IRF5: variants seen among roughly 807,000 people sequenced by gnomAD.
The protein encoded by IRF5 is interferon regulatory factor 5.
In IRF5, 24 loss-of-function variants were observed where a neutral mutation model predicts 55.1. That is an observed-to-expected ratio of 0.44 (90% CI 0.32 to 0.61). The LOEUF is 0.61. IRF5 is among the 20% of genes least tolerant of loss of function. IRF5 has a pLI of 0.07. For missense variants in IRF5, 499 were observed against 658.5 expected (o/e 0.76, Z 2.65); for synonymous variants, 258 against 260.2 (o/e 0.99, Z 0.08).
At position 128,946,092 on chromosome 7, in the gene IRF5, A is replaced by G. The variant is rs1796286023; in HGVS notation, c.385+58A>G. 2 of 1,477,996 alleles carry G rather than the reference A, an allele frequency of 1.4e-6. No individual in the cohort carries two copies. The highest frequency in any genetic ancestry group is 1.4e-5 in the African/African-American group (1 of 70,394). The allele number at this position is 1,477,996 out of a possible 1,614,324, so 91.6% of individuals were successfully genotyped here. ...GAGGCTGTGCAATGTCCTGGCCCCC[A>G]GCCATGAGCTCTTGGGTGCAGGCAG... On this transcript the variant is annotated intron_variant, in intron 3 of 8. Coordinates refer to ENST00000357234, the MANE Select transcript of IRF5 (RefSeq NM_001098629.3). The surrounding 1 kb of genome is among the most constrained non-coding windows in gnomAD (Gnocchi z 4.2).
At position 128,947,511 on chromosome 7, in the gene IRF5, C is replaced by A; in HGVS notation, c.763C>A (p.Leu255Met). Residue 255 changes from leucine (L) to methionine (M), a missense_variant, in exon 6 of 9, where the codon CTG becomes ATG. Coordinates refer to ENST00000357234, the MANE Select transcript of IRF5 (RefSeq NM_001098629.3). This position sits in a 1 kb window ranked among gnomAD's most constrained non-coding sequence, Gnocchi z 6.5. ...AGGCGAACAGCTCCTGCCAGACCTG[C>A]TGATCAGCCCCCACATGCTGCCTCG... ...PAGEQLLPDL[L>M]ISPHMLPLTD... The A allele has an allele frequency of 6.3e-7, 1 of 1,579,034 alleles. No individual in the cohort carries two copies. The highest frequency in any genetic ancestry group is 8.6e-7 in the Non-Finnish European group (1 of 1,167,230).
Position 128,942,258 on chromosome 7 carries a change from A to G in IRF5, c.177A>G (p.Gly59=). The part of the protein sequence containing the change: ...HATRHGPSQD[G]DNTIFKAWAK... Reference sequence around the variant, plus strand: ...CAAGGCATGGTCCCAGCCAGGACGGAGATAACACCATCTTCAAGGTAAGCC... The same window carrying G: ...CAAGGCATGGTCCCAGCCAGGACGGGGATAACACCATCTTCAAGGTAAGCC... The change falls in exon 2 of 9, where the codon GGA becomes GGG. Residue 59 remains glycine (G), a synonymous_variant. Coordinates refer to ENST00000357234, the MANE Select transcript of IRF5 (RefSeq NM_001098629.3). The G allele has an allele frequency of 6.2e-7, 1 of 1,612,840 alleles. No individual in the cohort carries two copies. Among genetic ancestry groups the G allele is most frequent in the African/African-American group, 1.3e-5 (1 of 74,990 alleles).
rs1219377166 is a variant in IRF5, at chr7:128,949,774, CTGATA to C, written c.*958_*962del. The C allele has an allele frequency of 6.6e-6, 1 of 152,130 alleles. No individual in the cohort carries two copies. The highest frequency in any genetic ancestry group is 1.5e-5 in the Non-Finnish European group (1 of 68,022). The allele number at this position is 152,130 out of a possible 1,614,324, so 9.4% of individuals were successfully genotyped here. ...ATCAGGGCAGTGCATGTAAATCATC[CTGATA>C]TATTTAATATATTTATTATATTGTC... On this transcript the variant is annotated 3_prime_UTR_variant, in exon 9 of 9. Coordinates refer to ENST00000357234, the MANE Select transcript of IRF5 (RefSeq NM_001098629.3).
Position 128,948,673 on chromosome 7 carries a change from A to G in IRF5, c.1400A>G (p.Lys467Arg). The change falls in exon 9 of 9, where the codon AAA becomes AGA. Residue 467 changes from lysine (K) to arginine (R), a missense_variant. Physicochemically the swap from Lys to Arg is conservative, Grantham distance 26. Transcript: ENST00000357234. The surrounding 1 kb of genome is among the most constrained non-coding windows in gnomAD (Gnocchi z 4.6). The stretch of plus-strand genomic sequence containing the variant: ...CTACAGATCTCAAACCCAGACCTCA[A>G]AGACCGCATGGTGGAGCAATTCAAG... ...IRLQISNPDL[K>R]DRMVEQFKEL... 1 of 1,614,188 alleles carries G rather than the reference A, an allele frequency of 6.2e-7. No individual in the cohort carries two copies. The highest frequency in any genetic ancestry group is 8.5e-7 in the Non-Finnish European group (1 of 1,180,028).
At chr7:128,938,775 T>C (rs1189115270) in intron 1 of IRF5, among the ~76,000 whole-genome samples, 1 of 151,602 alleles carries the variant, frequency 6.6e-6, no homozygotes, top group Non-Finnish European at 1.5e-5. Flanking sequence ...AGGCTAAACG[T>C]GGAGGAAAAG....
intron 1 of IRF5, among the ~76,000 whole-genome samples, chr7:128,938,813 GGA>G (rs1385342079): frequency 6.6e-6 from 1 of 152,104 alleles, no homozygotes; most frequent in Non-Finnish European, 1.5e-5. Context: ...GGATGCGTGG[GGA>G]GATGGTTGTC....
chr7:128,947,883 C>G lies in IRF5; in HGVS notation c.942C>G (p.Arg314=), dbSNP rs571356661. The G allele has an allele frequency of 6.2e-7, 1 of 1,614,120 alleles. No homozygotes were observed. The highest frequency in any genetic ancestry group is 1.3e-5 in the African/African-American group (1 of 75,048). Residue 314 remains arginine, a synonymous_variant, in exon 7 of 9, where the codon CGC becomes CGG. Transcript: ENST00000357234. The surrounding 1 kb of genome is among the most constrained non-coding windows in gnomAD (Gnocchi z 6.5). ...LFGPISLEQV[R]FPSPEDIPSD... is the part of the protein sequence containing the mutation. Reference sequence around the variant, plus strand: ...GCCCCATAAGCCTGGAGCAAGTGCGCTTCCCCAGCCCTGAGGACATCCCCA... The same window carrying G: ...GCCCCATAAGCCTGGAGCAAGTGCGGTTCCCCAGCCCTGAGGACATCCCCA...
chr7:128,943,707 A>ATTTTTTTTTTTTTTTTT (rs61451031), intron 2 of IRF5, among the ~76,000 whole-genome samples: 2 of 71,948 alleles, frequency 2.8e-5, no homozygotes, highest in African/African-American at 6.9e-5. Flanking sequence ...TGCCCGGCTA[A>ATTTTTTTTTTTTTTTTT]TTTTTTTTTT....
chr7:128,939,609 T>TG (rs1795914284), intron 1 of IRF5, among the ~76,000 whole-genome samples: 1 of 152,164 alleles, frequency 6.6e-6, no homozygotes, highest in Admixed American at 6.5e-5. Context: ...CTAGGACTGC[T>TG]GTGGCACTTC....
rs747146617 is a variant in IRF5 at position 128,946,995 on chromosome 7, C to T, written c.448-28C>T. ...TGTCCTCCTTTCTCTCCCATCTCTT[C>T]CCTCCCTTGCTGGTGGTGTCCCTTC... On this transcript the variant is annotated intron_variant, in intron 4 of 8. Transcript: ENST00000357234. The surrounding 1 kb of genome is among the most constrained non-coding windows in gnomAD (Gnocchi z 4.2). 1.2e-6 allele frequency: 2 copies of T among 1,613,796 alleles called. No homozygotes were observed. The highest frequency in any genetic ancestry group is 1.7e-6 in the Non-Finnish European group (2 of 1,179,884).
At chr7:128,937,331 G>A (rs1214439603), upstream of IRF5, among the ~76,000 whole-genome samples, 1 of 152,248 alleles carries the variant, frequency 6.6e-6, no homozygotes, top group African/African-American at 2.4e-5. Flanking sequence ...AGAACCACAG[G>A]TCGACGGTCA....
At position 128,946,518 on chromosome 7, in the gene IRF5, G is replaced by A. The variant is rs1429320460; in HGVS notation, c.403G>A (p.Asp135Asn). The change falls in exon 4 of 9, where the codon GAT becomes AAT. Residue 135 changes from aspartate (D) to asparagine (N), a missense_variant. By Grantham distance (23) the Asp-to-Asn change is conservative. Coordinates refer to ENST00000357234, the MANE Select transcript of IRF5 (RefSeq NM_001098629.3). The surrounding 1 kb of genome is among the most constrained non-coding windows in gnomAD (Gnocchi z 4.2). ...CTGTGCAGACTCCCAGCCCCCTGAG[G>A]ATTACTCTTTTGGTGCAGGAGAGGA... ...PAPTDSQPPE[D>N]YSFGAGEEEE... 1.2e-6 allele frequency: 2 copies of A among 1,608,068 alleles called. No homozygotes were observed. Among genetic ancestry groups the A allele is most frequent in the Admixed American group, 1.7e-5 (1 of 59,002 alleles).
chr7:128,942,216 C>A lies in IRF5; in HGVS notation c.135C>A (p.Ile45=), dbSNP rs765528081. Residue 45 remains isoleucine, a synonymous_variant, in exon 2 of 9, where the codon ATC becomes ATA. Coordinates refer to ENST00000357234, the MANE Select transcript of IRF5 (RefSeq NM_001098629.3). ...WVNGEKKLFC[I]PWRHATRHGP... ...ACGGGGAAAAGAAATTATTCTGCATCCCCTGGAGGCATGCCACAAGGCATG... is the reference window on the plus strand; with the variant it reads ...ACGGGGAAAAGAAATTATTCTGCATACCCTGGAGGCATGCCACAAGGCATG... The A allele has an allele frequency of 8.1e-6, 13 of 1,614,088 alleles. No individual in the cohort carries two copies. In the South Asian group the frequency reaches 1.4e-4, roughly 18 times the overall value.
chr7:128,937,902 G>T (rs910572649), upstream of IRF5: 7 of 152,524 alleles, frequency 4.6e-5, no homozygotes, highest in African/African-American at 1.2e-4. Context: ...GAGCTCAGCA[G>T]CAGCTGCCCA....
Position 128,946,022 on chromosome 7 carries a change from C to G in IRF5, c.373C>G (p.Pro125Ala), listed in dbSNP as rs1796282514. 1.2e-6 allele frequency: 2 copies of G among 1,603,184 alleles called. No homozygotes were observed. The highest frequency in any genetic ancestry group is 1.3e-5 in the African/African-American group (1 of 74,110). The change falls in exon 3 of 9, where the codon CCT becomes GCT. Residue 125 changes from proline to alanine, a missense_variant. Pro to Ala is a conservative substitution (Grantham distance 27, BLOSUM62 -1). Around this residue, in one of 2 missense-constraint regions of IRF5, gnomAD observed 305 missense variants for 340.2 expected, o/e 0.90. Transcript: ENST00000357234. This position sits in a 1 kb window ranked among gnomAD's most constrained non-coding sequence, Gnocchi z 4.2. Reference protein sequence around the residue: ...YKIYEVCSNGPAPTDSQPPED... With the variant: ...YKIYEVCSNGAAPTDSQPPED... The stretch of plus-strand genomic sequence containing the variant: ...GATCTACGAGGTCTGCTCCAATGGC[C>G]CTGCTCCCACAGGTATCAGGCCTAG...
intron 1 of IRF5, chr7:128,938,293 G>A (rs1299472557): frequency 6.6e-6 from 1 of 152,346 alleles, no homozygotes; most frequent in African/African-American, 2.4e-5. Flanking sequence ...GACTTCCAAA[G>A]CGCCTCCCAC....
chr7:128,939,798 A>C (rs1421435695), intron 1 of IRF5, among the ~76,000 whole-genome samples: 1 of 152,156 alleles, frequency 6.6e-6, no homozygotes, highest in Admixed American at 6.5e-5. Context: ...GGACTTCCTC[A>C]GGCTGTTGGA....
Position 128,942,096 on chromosome 7 carries a change from C to G in IRF5, c.15C>G (p.Ile5Met). MNQSIPVAPTPPRRV... is the reference protein window; with the variant it reads MNQSMPVAPTPPRRV... ...ACCCCTCTGCCATGAACCAGTCCAT[C>G]CCAGTGGCTCCCACCCCACCCCGCC... The change falls in exon 2 of 9, where the codon ATC (isoleucine) becomes ATG (methionine). Residue 5 changes from isoleucine to methionine, a missense_variant. Physicochemically the swap from Ile to Met is conservative, Grantham distance 10. Coordinates refer to ENST00000357234, the MANE Select transcript of IRF5 (RefSeq NM_001098629.3). The G allele has an allele frequency of 6.2e-7, 1 of 1,608,696 alleles. No individual in the cohort carries two copies. Among genetic ancestry groups the G allele is most frequent in the Non-Finnish European group, 8.5e-7 (1 of 1,177,786 alleles).
At chr7:128,944,512 C>T (rs1027283357) in intron 2 of IRF5, among the ~76,000 whole-genome samples, 1 of 152,096 alleles carries the variant, frequency 6.6e-6, no homozygotes, top group Non-Finnish European at 1.5e-5. Context: ...TCACAAAATT[C>T]AACATTAAAA....
Sources: allele counts gnomAD v4.1 joint callset (sites outside exome capture counted in the v4.1 genomes callset), GRCh38; gene constraint gnomAD v4.1.1; regional missense constraint gnomAD v4.1.1; non-coding constraint Gnocchi (gnomAD v3.1); transcripts MANE v1.5; gene names NCBI Gene and HGNC (gene_info 2026-07-23, HGNC 2026-07-21).